The following FAM13C variants were observed in gnomAD, a reference collection of about 807,000 sequenced individuals.
FAM13C encodes the protein protein FAM13C.
Under a neutral mutation model 73.2 loss-of-function variants are expected in FAM13C, and 37 were observed. That is an observed-to-expected ratio of 0.51 (90% CI 0.39 to 0.67). The LOEUF is 0.67. FAM13C is among the 30% of genes least tolerant of loss of function. FAM13C has a pLI of 0.00. For synonymous variants in FAM13C, 246 were observed against 260.9 expected, an observed-to-expected ratio of 0.94 and a Z score of 0.55; for missense variants, 589 against 715.6, an observed-to-expected ratio of 0.82 and a Z score of 2.02.
At position 59,355,956 on chromosome 10, in the gene FAM13C, G is replaced by A; in HGVS notation, c.63-13C>T. ...ATCTTCGTCACACCTGGAAGAGTGG[G>A]AAGAAAAATCACATCAGATCCAATT... On this transcript the variant is annotated splice_polypyrimidine_tract_variant and intron_variant, in intron 1 of 13. Coordinates refer to ENST00000618804, the MANE Select transcript of FAM13C (RefSeq NM_198215.4). 6.2e-7 allele frequency: 1 copy of A among 1,613,388 alleles called. No homozygotes were observed. Among genetic ancestry groups the A allele is most frequent in the Non-Finnish European group, 8.5e-7 (1 of 1,179,414 alleles).
chr10:59,302,240 G>A (rs2133860712), intron 5 of FAM13C, among the ~76,000 whole-genome samples: 1 of 152,222 alleles, frequency 6.6e-6, no homozygotes, highest in Admixed American at 6.5e-5. Context: ...TTTCATACAG[G>A]AGAATTCAAT....
chr10:59,304,704 C>T (rs1847995394), intron 4 of FAM13C, among the ~76,000 whole-genome samples: 1 of 143,094 alleles, frequency 7.0e-6, no homozygotes, highest in Non-Finnish European at 1.5e-5. Flanking sequence ...CCGCATGACA[C>T]AAGTTTACCT....
intron 5 of FAM13C, among the ~76,000 whole-genome samples, chr10:59,293,323 G>T (rs1417899687): frequency 6.6e-6 from 1 of 151,862 alleles, no homozygotes; most frequent in Non-Finnish European, 1.5e-5. Context: ...TGATCCACCC[G>T]CCTCGGCCTC....
intron 10 of FAM13C, 34 bp downstream of exon 10, chr10:59,262,400 G>A (rs1306176693): frequency 6.3e-7 from 1 of 1,584,108 alleles, no homozygotes; most frequent in South Asian, 1.1e-5. Flanking sequence ...GTGGACTACA[G>A]GGGCCCTCTA....
In FAM13C at chr10:59,246,665, A is replaced by G; in HGVS notation, c.*949T>C. 5.0e-6 allele frequency: 2 copies of G among 397,686 alleles called. No individual in the cohort carries two copies. The highest frequency in any genetic ancestry group is 8.9e-6 in the Non-Finnish European group (2 of 225,322). 24.6% of individuals were successfully genotyped at this position (397,686 alleles called of 1,614,324 possible). A position where few individuals can be genotyped will look rare whatever the true frequency, so the allele number is the denominator to read the frequency against. On this transcript the variant is annotated 3_prime_UTR_variant, in exon 14 of 14. Transcript: ENST00000618804. ...CTTTTTCAAGGTATCAGGGCAAACA[A>G]TTTCCAAACTTTTCATTTTGTACAG...
At chr10:59,288,384 T>C (rs1455500061) in intron 5 of FAM13C, among the ~76,000 whole-genome samples, 1 of 152,134 alleles carries the variant, frequency 6.6e-6, no homozygotes, top group Non-Finnish European at 1.5e-5. Flanking sequence ...TCCCAGCTAC[T>C]TGGGTGGCAG....
intron 3 of FAM13C, among the ~76,000 whole-genome samples, chr10:59,344,110 C>T (rs1426705277): frequency 3.3e-5 from 5 of 151,154 alleles, no homozygotes; most frequent in South Asian, 4.2e-4. Context: ...TACAGGCACC[C>T]GCCACCACGC....
intron 1 of FAM13C, among the ~76,000 whole-genome samples, chr10:59,359,863 G>T (rs530292248): frequency 1.3e-5 from 2 of 152,328 alleles, no homozygotes; most frequent in African/African-American, 4.8e-5. Flanking sequence ...AGAACCACTG[G>T]TTTGAATGAT....
chr10:59,319,921 A>T (rs572368157), intron 4 of FAM13C, among the ~76,000 whole-genome samples: 1 of 152,300 alleles, frequency 6.6e-6, no homozygotes, highest in South Asian at 2.1e-4. Context: ...TCTGGGGAAA[A>T]GATGGCATTA....
At chr10:59,332,029 A>T (rs113807440) in intron 3 of FAM13C, among the ~76,000 whole-genome samples, 2 of 152,166 alleles carry the variant, frequency 1.3e-5, no homozygotes, top group Non-Finnish European at 1.5e-5. Flanking sequence ...TTTGAGAATG[A>T]TCAGGAGGGT....
At chr10:59,334,416 C>T (rs1397440774) in intron 3 of FAM13C, among the ~76,000 whole-genome samples, 1 of 151,828 alleles carries the variant, frequency 6.6e-6, no homozygotes, top group Non-Finnish European at 1.5e-5. Context: ...GGGTATATAC[C>T]CAAAGGATTA....
At chr10:59,307,437 G>C (rs1848386478) in intron 4 of FAM13C, among the ~76,000 whole-genome samples, 2 of 152,282 alleles carry the variant, frequency 1.3e-5, no homozygotes, top group African/African-American at 4.8e-5. Context: ...CCCAGAGTGG[G>C]TCTTCCAGGC....
At chr10:59,352,050 A>G (rs1333177019) in intron 3 of FAM13C, among the ~76,000 whole-genome samples, 2 of 152,162 alleles carry the variant, frequency 1.3e-5, no homozygotes, top group Non-Finnish European at 2.9e-5. Context: ...TCCAATATTT[A>G]AGAACACGTT....
intron 5 of FAM13C, among the ~76,000 whole-genome samples, chr10:59,285,390 G>A (rs1048071207): frequency 3.6e-5 from 5 of 139,302 alleles, no homozygotes; most frequent in African/African-American, 1.6e-4. Context: ...AAGCAGCTGG[G>A]AGGCAAACAA....
At position 59,252,816 on chromosome 10, in the gene FAM13C, A is replaced by C; in HGVS notation, c.1515T>G (p.Asn505Lys). The C allele has an allele frequency of 6.2e-7, 1 of 1,613,958 alleles. No individual in the cohort carries two copies. The highest frequency in any genetic ancestry group is 2.2e-5 in the East Asian group (1 of 44,870). Residue 505 changes from asparagine (N) to lysine (K), a missense_variant, in exon 12 of 14, where the codon AAT (asparagine) becomes AAG (lysine). Asn to Lys is a moderately conservative substitution (Grantham distance 94). Coordinates refer to ENST00000618804, the MANE Select transcript of FAM13C (RefSeq NM_198215.4). ...ATACTCACATGGTAGCCTCATGTAAATTAGACATGGAGAGAGCTGGTGGTT... is the reference window on the plus strand; with the variant it reads ...ATACTCACATGGTAGCCTCATGTAACTTAGACATGGAGAGAGCTGGTGGTT... The part of the protein sequence containing the change: ...EVKPPALSMS[N>K]LHEATMPVLL...
chr10:59,251,814 A>G (rs540822080), intron 12 of FAM13C, 138 bp from the exon 13 acceptor site: 2 of 642,056 alleles, frequency 3.1e-6, no homozygotes, highest in East Asian at 2.8e-5. Context: ...TTGAGTAAAT[A>G]TGACACACAT....
chr10:59,262,141 G>C (rs1842564402), intron 10 of FAM13C, among the ~76,000 whole-genome samples: 1 of 151,984 alleles, frequency 6.6e-6, no homozygotes, highest in Non-Finnish European at 1.5e-5. Context: ...GGGTTCATTT[G>C]CTAATTTGCA....
intron 4 of FAM13C, among the ~76,000 whole-genome samples, chr10:59,306,670 GTTCGA>G (rs1468301624): frequency 6.6e-6 from 1 of 152,198 alleles, no homozygotes; most frequent in Admixed American, 6.5e-5. Flanking sequence ...GAGCTCAGGA[GTTCGA>G]GACCAGCCTG....
intron 10 of FAM13C, among the ~76,000 whole-genome samples, chr10:59,256,833 T>C (rs1183608309): frequency 6.6e-6 from 1 of 152,204 alleles, no homozygotes; most frequent in Non-Finnish European, 1.5e-5. Flanking sequence ...TTTCCTGTTA[T>C]TCTTCAGCTA....
Sources: allele counts gnomAD v4.1 joint callset (sites outside exome capture counted in the v4.1 genomes callset), GRCh38; gene constraint gnomAD v4.1.1; transcripts MANE v1.5; gene names NCBI Gene and HGNC (gene_info 2026-07-23, HGNC 2026-07-21).